Variants in MNAT1 observed in about 807,000 individuals in gnomAD.
MNAT1 encodes MNAT1 component of CDK activating kinase, also known as CDK-activating kinase assembly factor MAT1.
A neutral mutation model predicts 42.0 loss-of-function variants in MNAT1; 43 were observed. That is an observed-to-expected ratio of 1.02 (90% CI 0.80 to 1.32). The LOEUF is 1.32. Among genes scored for constraint, MNAT1 ranks in the 40% most tolerant of loss-of-function variants. The pLI is 0.00. For synonymous variants in MNAT1, 118 were observed against 120.0 expected, an observed-to-expected ratio of 0.98 and a Z score of 0.11; for missense variants, 306 against 350.4, an observed-to-expected ratio of 0.87 and a Z score of 1.01.
intron 7 of MNAT1, among the ~76,000 whole-genome samples, chr14:60,889,332 G>C (rs372605597): frequency 3.9e-5 from 6 of 152,062 alleles, no homozygotes; most frequent in Admixed American, 1.3e-4. Context: ...ACAAACCTGA[G>C]AAAAACAAGC....
At chr14:60,804,128 A>T (rs542234818) in intron 3 of MNAT1, among the ~76,000 whole-genome samples, 1 of 152,364 alleles carries the variant, frequency 6.6e-6, no homozygotes, top group African/African-American at 2.4e-5. Context: ...AAAGACTTCA[A>T]AATTGTACGT....
chr14:60,735,017 A>C, intron 1 of MNAT1, 66 bp downstream of exon 1: 1 of 1,464,666 alleles, frequency 6.8e-7, no homozygotes, highest in Non-Finnish European at 9.6e-7. Flanking sequence ...GGACCGGGAG[A>C]TGCTAGGCCT....
At chr14:60,794,173 A>T (rs2031923935) in intron 1 of MNAT1, among the ~76,000 whole-genome samples, 1 of 152,124 alleles carries the variant, frequency 6.6e-6, no homozygotes. Context: ...AAATATCTTT[A>T]GTTAGTATAG....
rs769585188 is a variant in MNAT1, at chr14:60,968,624, G to A, written c.*275G>A. ...ATAAATAATTCACCTATATGTGTTT[G>A]AGGTTGTGACAGACTTATAAAATCT... is the stretch of plus-strand genomic sequence containing the variant. On this transcript the variant is annotated 3_prime_UTR_variant, in exon 8 of 8. Transcript: ENST00000261245. 3 of 849,956 alleles carry A rather than the reference G, an allele frequency of 3.5e-6. No individual in the cohort carries two copies. The highest frequency in any genetic ancestry group is 5.0e-6 in the Non-Finnish European group (3 of 597,826). 52.7% of individuals were successfully genotyped at this position (849,956 alleles called of 1,614,324 possible).
intron 7 of MNAT1, among the ~76,000 whole-genome samples, chr14:60,956,733 C>A (rs992752013): frequency 1.3e-5 from 2 of 152,006 alleles, no homozygotes; most frequent in Non-Finnish European, 2.9e-5. Context: ...TTAATTGATC[C>A]TTTTATCATT....
chr14:60,914,081 G>T (rs1007540667), intron 7 of MNAT1, among the ~76,000 whole-genome samples: 1 of 152,206 alleles, frequency 6.6e-6, no homozygotes, highest in Non-Finnish European at 1.5e-5. Flanking sequence ...AGACTGCTGT[G>T]CTAGCAATGA....
intron 7 of MNAT1, among the ~76,000 whole-genome samples, chr14:60,890,312 G>A (rs1479862812): frequency 6.6e-6 from 1 of 152,150 alleles, no homozygotes; most frequent in African/African-American, 2.4e-5. Context: ...TACTCATGAT[G>A]TAAAATCTTC....
chr14:60,904,831 A>G lies in MNAT1; in HGVS notation c.809+24996A>G, dbSNP rs528944258. Among the ~76,000 whole-genome samples, 259 of 152,176 alleles carry G rather than the reference A, an allele frequency of 1.7e-3. 1 individual carries two copies. Among genetic ancestry groups the G allele is most frequent in the Non-Finnish European group, 2.8e-3 (191 of 68,006 alleles). On this transcript the variant is annotated intron_variant, in intron 7 of 7. Transcript: ENST00000261245. ...ACCCTTAAAAAAGCAGATTCAATTTATTATTGGACTTTGTTTACTTCTCCC... is the reference window on the plus strand; with the variant it reads ...ACCCTTAAAAAAGCAGATTCAATTTGTTATTGGACTTTGTTTACTTCTCCC...
intron 6 of MNAT1, among the ~76,000 whole-genome samples, chr14:60,872,686 A>C (rs1259303634): frequency 6.6e-6 from 1 of 151,336 alleles, no homozygotes; most frequent in Non-Finnish European, 1.5e-5. Context: ...TTTTTTTCAA[A>C]ACTAACAAAT....
intron 1 of MNAT1, among the ~76,000 whole-genome samples, chr14:60,746,728 A>T (rs2140288197): frequency 6.7e-6 from 1 of 150,326 alleles, no homozygotes; most frequent in Admixed American, 6.6e-5. Context: ...CTATTAGTGT[A>T]CTTTAGTCTT....
At chr14:60,829,079 C>G (rs1195475990) in intron 6 of MNAT1, among the ~76,000 whole-genome samples, 1 of 152,094 alleles carries the variant, frequency 6.6e-6, no homozygotes, top group African/African-American at 2.4e-5. Context: ...TGGTGATTAA[C>G]TCAACCTCCT....
chr14:60,955,513 T>C (rs2036472015), intron 7 of MNAT1, among the ~76,000 whole-genome samples: 1 of 152,088 alleles, frequency 6.6e-6, no homozygotes, highest in African/African-American at 2.4e-5. Context: ...AATACAAAAA[T>C]CAGCTGGGCG....
chr14:60,958,386 G>A (rs868410759), intron 7 of MNAT1, among the ~76,000 whole-genome samples: 1 of 151,928 alleles, frequency 6.6e-6, no homozygotes. Flanking sequence ...TTCATCAGTG[G>A]TCTTATTTAG....
At chr14:60,789,914 C>G (rs914046584) in intron 1 of MNAT1, among the ~76,000 whole-genome samples, 1 of 152,112 alleles carries the variant, frequency 6.6e-6, no homozygotes, top group Admixed American at 6.6e-5. Flanking sequence ...CGATAGTATT[C>G]AAAGTATGCT....
intron 6 of MNAT1, among the ~76,000 whole-genome samples, chr14:60,859,883 A>G (rs1402876477): frequency 6.6e-6 from 1 of 152,210 alleles, no homozygotes; most frequent in Non-Finnish European, 1.5e-5. Flanking sequence ...GGGAATATAT[A>G]ACGCCTGGGA....
chr14:60,940,997 T>G (rs2036145704), intron 7 of MNAT1, among the ~76,000 whole-genome samples: 1 of 152,234 alleles, frequency 6.6e-6, no homozygotes, highest in South Asian at 2.1e-4. Context: ...CACCTAGTGT[T>G]AATATTTGAA....
rs1276280578 is a variant in MNAT1 at position 60,808,355 on chromosome 14, A to G, written c.347A>G (p.Asp116Gly). ...AACTTGACCAACAATGTGGATTTGG[A>G]CAACACCAAAAAGAAAATGGAGATA... ...VFNLTNNVDLDNTKKKMEIYQ... is the reference protein window; with the variant it reads ...VFNLTNNVDLGNTKKKMEIYQ... The change falls in exon 4 of 8, where the codon GAC becomes GGC. Residue 116 changes from aspartate (D) to glycine (G), a missense_variant. Asp to Gly is a moderately conservative substitution (Grantham distance 94). Transcript: ENST00000261245. The G allele has an allele frequency of 2.5e-5, 39 of 1,583,992 alleles. No homozygotes were observed. The highest frequency in any genetic ancestry group is 3.3e-5 in the Non-Finnish European group (39 of 1,169,402).
At chr14:60,792,325 G>A (rs899853363) in intron 1 of MNAT1, among the ~76,000 whole-genome samples, 26 of 152,242 alleles carry the variant, frequency 1.7e-4, no homozygotes, top group Admixed American at 4.6e-4. Flanking sequence ...AATGTTCAAA[G>A]ATATGGCACT....
At chr14:60,910,309 C>T (rs1253526995) in intron 7 of MNAT1, among the ~76,000 whole-genome samples, 1 of 152,150 alleles carries the variant, frequency 6.6e-6, no homozygotes, top group African/African-American at 2.4e-5. Flanking sequence ...AATTGAATGC[C>T]TTTTATTTCC....
Sources: allele counts gnomAD v4.1 joint callset (sites outside exome capture counted in the v4.1 genomes callset), GRCh38; gene constraint gnomAD v4.1.1; transcripts MANE v1.5; gene names NCBI Gene and HGNC (gene_info 2026-07-23, HGNC 2026-07-21).